ARHGEF19: variants seen among roughly 807,000 people sequenced by gnomAD.
The protein encoded by ARHGEF19 is Rho guanine nucleotide exchange factor 19.
ARHGEF19 carries 92 observed loss-of-function variants against 87.6 expected under a neutral mutation model. That is an observed-to-expected ratio of 1.05 (90% CI 0.89 to 1.25). ARHGEF19 has a LOEUF of 1.25. Among genes scored for constraint, ARHGEF19 ranks in the 50% most tolerant of loss-of-function variants. The pLI is 0.00. For synonymous variants in ARHGEF19, 438 were observed against 446.2 expected (o/e 0.98, Z 0.23); for missense variants, 1,054 against 1,051.8 (o/e 1.00, Z -0.03).
chr1:16,208,548 G>T, intron 2 of ARHGEF19, 95 bp downstream of exon 2: 3 of 1,428,650 alleles, frequency 2.1e-6, no homozygotes, highest in Non-Finnish European at 2.8e-6. Context: ...CTGACTTTTG[G>T]GGGAACCTTG....
chr1:16,202,673 G>GGGTT, intron 12 of ARHGEF19, 99 bp from the exon 13 acceptor site: 1 of 1,473,912 alleles, frequency 6.8e-7, no homozygotes, highest in Non-Finnish European at 9.2e-7. Flanking sequence ...TGGGGAGAAG[G>GGGTT]GGTTGCCTGC....
chr1:16,207,529 G>T lies in ARHGEF19; in HGVS notation c.867C>A (p.Leu289=). 4 of 1,613,908 alleles carry T rather than the reference G, an allele frequency of 2.5e-6. No homozygotes were observed. Among genetic ancestry groups the T allele is most frequent in the Non-Finnish European group, 3.4e-6 (4 of 1,179,970 alleles). ...STNERRQSRF[L]LNSVLYQEYS... is the part of the protein sequence containing the mutation. ...GACCCCCCTCCCACGTACAGTTAAG[G>T]AGGAATCGAGACTGGCGCCGCTCGT... Residue 289 remains leucine (L), a synonymous_variant, in exon 5 of 16, where the codon CTC becomes CTA. Transcript: ENST00000270747. The surrounding 1 kb of genome is among the most constrained non-coding windows in gnomAD (Gnocchi z 4.0).
At chr1:16,200,627 C>CCAGCTA (rs780191408) in intron 14 of ARHGEF19, among the ~76,000 whole-genome samples, 9 of 152,154 alleles carry the variant, frequency 5.9e-5, no homozygotes, top group Non-Finnish European at 1.2e-4. Flanking sequence ...GCCTATAATC[C>CCAGCTA]CAGCTACTTG....
chr1:16,208,622 G>T, intron 2 of ARHGEF19, 21 bp downstream of exon 2: 4 of 1,579,966 alleles, frequency 2.5e-6, no homozygotes, highest in South Asian at 1.2e-5. Flanking sequence ...ACCCACACCC[G>T]CCTTCCCCAG....
Position 16,207,637 on chromosome 1 carries a change from A to T in ARHGEF19, c.797+38T>A. On this transcript the variant is annotated intron_variant, in intron 4 of 15. Transcript: ENST00000270747. The surrounding 1 kb of genome is among the most constrained non-coding windows in gnomAD (Gnocchi z 4.0). Reference sequence around the variant, plus strand: ...AGCGTCACGGCCCTAGTTCGCCTGCACCCTGTCTCGGACCCAAGCCCAAAC... The same window carrying T: ...AGCGTCACGGCCCTAGTTCGCCTGCTCCCTGTCTCGGACCCAAGCCCAAAC... 1 of 1,613,876 alleles carries T rather than the reference A, an allele frequency of 6.2e-7. No individual in the cohort carries two copies. Among genetic ancestry groups the T allele is most frequent in the Non-Finnish European group, 8.5e-7 (1 of 1,179,942 alleles).
Position 16,206,753 on chromosome 1 carries a change from C to T in ARHGEF19, c.1137+195G>A, listed in dbSNP as rs536349411. On this transcript the variant is annotated intron_variant, in intron 6 of 15. Transcript: ENST00000270747. The surrounding 1 kb of genome is among the most constrained non-coding windows in gnomAD (Gnocchi z 4.6). ...CCCAAGCCCGGCTCCCCTCGCCTCT[C>T]GCTCAGCGGCTTGCTGTCCTCGCTT... Among the ~76,000 whole-genome samples, 1,234 of 152,214 alleles carry T rather than the reference C, an allele frequency of 8.1e-3. 11 individuals carry two copies. Among genetic ancestry groups the T allele is most frequent in the African/African-American group, 0.028 (1,171 of 41,524 alleles).
intron 2 of ARHGEF19, among the ~76,000 whole-genome samples, 169 bp downstream of exon 2, chr1:16,208,474 T>C (rs1485093089): frequency 1.3e-5 from 2 of 152,160 alleles, no homozygotes; most frequent in Non-Finnish European, 2.9e-5. Context: ...CTGCATAACC[T>C]TGGACAAGTC....
At chr1:16,212,044 A>C (rs1160287225) in intron 1 of ARHGEF19, among the ~76,000 whole-genome samples, 1 of 150,970 alleles carries the variant, frequency 6.6e-6, no homozygotes, top group Non-Finnish European at 1.5e-5. Flanking sequence ...ACCACCGCCC[A>C]ATGCCCTCTC....
In ARHGEF19 at chr1:16,198,527, C is replaced by A. The variant is rs768120826; in HGVS notation, c.*60G>T. ...GCTTGGGGAATGGAGACACTGCAGG[C>A]CCCTCCAGGACCATCCAGGAGCCAG... On this transcript the variant is annotated 3_prime_UTR_variant, in exon 16 of 16. Transcript: ENST00000270747. This position sits in a 1 kb window ranked among gnomAD's most constrained non-coding sequence, Gnocchi z 4.1. 4.7e-6 allele frequency: 7 copies of A among 1,500,718 alleles called. No individual in the cohort carries two copies. Among genetic ancestry groups the A allele is most frequent in the South Asian group, 1.4e-5 (1 of 72,434 alleles). The allele number at this position is 1,500,718 out of a possible 1,614,324, so 93.0% of individuals were successfully genotyped here.
chr1:16,198,703 AC>A lies in ARHGEF19; in HGVS notation c.2292del (p.Trp765GlyfsTer115). On this transcript the variant is annotated frameshift_variant, in exon 16 of 16. Transcript: ENST00000270747. LOFTEE classifies it high-confidence loss of function. The surrounding 1 kb of genome is among the most constrained non-coding windows in gnomAD (Gnocchi z 4.1). ...EGVRLADGEKGWVPQAYVEEI... is the reference protein window; with the variant it reads ...EGVRLADGEKXWVPQAYVEEI... ...TCTTCCACATAGGCCTGGGGCACCC[AC>A]CCCTTCTCACCATCTGCCAGGCGGA... The A allele has an allele frequency of 6.2e-7, 1 of 1,611,382 alleles. No individual in the cohort carries two copies. Among genetic ancestry groups the A allele is most frequent in the Non-Finnish European group, 8.5e-7 (1 of 1,178,468 alleles).
Position 16,204,788 on chromosome 1 carries a change from A to T in ARHGEF19, c.1878T>A (p.Asn626Lys). Residue 626 changes from asparagine to lysine, a missense_variant, in exon 12 of 16, where the codon AAT becomes AAA. Asn to Lys is a moderately conservative substitution (Grantham distance 94). Transcript: ENST00000270747. ...SSKAVYLHLF[N>K]DCLLLSRRKE... ...TCCGCCGAGAGAGCAGCAAGCAGTC[A>T]TTGAAGAGGTGGAGGTAGACTGCCT... The T allele has an allele frequency of 6.2e-7, 1 of 1,611,272 alleles. No individual in the cohort carries two copies. The highest frequency in any genetic ancestry group is 8.5e-7 in the Non-Finnish European group (1 of 1,177,896).
In ARHGEF19 at chr1:16,205,670, G is replaced by A; in HGVS notation, c.1452-3C>T. 3.7e-6 allele frequency: 6 copies of A among 1,603,806 alleles called. No homozygotes were observed. Among genetic ancestry groups the A allele is most frequent in the Non-Finnish European group, 5.1e-6 (6 of 1,176,176 alleles). On this transcript the variant is annotated splice_region_variant and splice_polypyrimidine_tract_variant and intron_variant, in intron 8 of 15. Coordinates refer to ENST00000270747, the MANE Select transcript of ARHGEF19 (RefSeq NM_153213.5). The surrounding 1 kb of genome is among the most constrained non-coding windows in gnomAD (Gnocchi z 5.8). ...CAGGGAACCTGGGGTTCTCCAGGCT[G>A]GAAAATGGGGAGGACTCTGGAATCA... is the stretch of plus-strand genomic sequence containing the variant.
Position 16,206,888 on chromosome 1 carries a change from T to A in ARHGEF19, c.1137+60A>T. ...CCTCTATGGCCCGGTTCCCGCTAAG[T>A]CCCCGGACCGCGTACTCCCCGGCCC... On this transcript the variant is annotated intron_variant, in intron 6 of 15. Coordinates refer to ENST00000270747, the MANE Select transcript of ARHGEF19 (RefSeq NM_153213.5). This position sits in a 1 kb window ranked among gnomAD's most constrained non-coding sequence, Gnocchi z 4.6. The A allele has an allele frequency of 7.2e-7, 1 of 1,398,408 alleles. No individual in the cohort carries two copies. The highest frequency in any genetic ancestry group is 9.2e-7 in the Non-Finnish European group (1 of 1,086,132). The allele number at this position is 1,398,408 out of a possible 1,614,324, so 86.6% of individuals were successfully genotyped here.
chr1:16,204,879 T>C lies in ARHGEF19; in HGVS notation c.1787A>G (p.His596Arg). 1 of 1,603,658 alleles carries C rather than the reference T, an allele frequency of 6.2e-7. No individual in the cohort carries two copies. Among genetic ancestry groups the C allele is most frequent in the Non-Finnish European group, 8.5e-7 (1 of 1,175,310 alleles). The change falls in exon 12 of 16, where the codon CAT (histidine) becomes CGT (arginine). Residue 596 changes from histidine (H) to arginine (R), a missense_variant. His to Arg is a conservative substitution (Grantham distance 29). Transcript: ENST00000270747. The stretch of plus-strand genomic sequence containing the variant: ...TGGTGCCAGCTCTACCAACTCTCCA[T>C]GCCGAACCAGCCAGCGGGCCTGAGA... Reference protein sequence around the residue: ...LISQARWLVRHGELVELAPLP... With the variant: ...LISQARWLVRRGELVELAPLP...
chr1:16,201,593 GAC>G (rs1302279386), intron 14 of ARHGEF19, among the ~76,000 whole-genome samples, 187 bp downstream of exon 14: 1 of 152,188 alleles, frequency 6.6e-6, no homozygotes, highest in African/African-American at 2.4e-5. Flanking sequence ...GCTGCCTGTG[GAC>G]ACAGAGTCCA....
Position 16,198,520 on chromosome 1 carries a change from C to T in ARHGEF19, c.*67G>A, listed in dbSNP as rs1396237816. On this transcript the variant is annotated 3_prime_UTR_variant, in exon 16 of 16. Transcript: ENST00000270747. The surrounding 1 kb of genome is among the most constrained non-coding windows in gnomAD (Gnocchi z 4.1). ...AGGAGCAGCTTGGGGAATGGAGACA[C>T]TGCAGGCCCCTCCAGGACCATCCAG... 1.3e-6 allele frequency: 2 copies of T among 1,497,730 alleles called. No homozygotes were observed. The highest frequency in any genetic ancestry group is 2.2e-5 in the Admixed American group (1 of 46,122). The allele number at this position is 1,497,730 out of a possible 1,614,324, so 92.8% of individuals were successfully genotyped here. A position where few individuals can be genotyped will look rare whatever the true frequency, so the allele number is the denominator to read the frequency against.
intron 1 of ARHGEF19, among the ~76,000 whole-genome samples, chr1:16,211,130 C>T (rs867196358): frequency 5.9e-5 from 9 of 152,176 alleles, no homozygotes; most frequent in Non-Finnish European, 8.8e-5. Context: ...TCTCCTCATC[C>T]GGCAAATAGG....
Position 16,205,246 on chromosome 1 carries a change from T to C in ARHGEF19, c.1657-70A>G, listed in dbSNP as rs2081117319. 3.1e-6 allele frequency: 5 copies of C among 1,597,422 alleles called. No individual in the cohort carries two copies. Among genetic ancestry groups the C allele is most frequent in the Non-Finnish European group, 4.3e-6 (5 of 1,169,856 alleles). ...CTCCCAGAGCCCAGCCTCAGACTCT[T>C]GCCTGGGGACCGGAGACTCTGACAG... On this transcript the variant is annotated intron_variant, in intron 10 of 15. Transcript: ENST00000270747. This position sits in a 1 kb window ranked among gnomAD's most constrained non-coding sequence, Gnocchi z 5.8.
chr1:16,205,434 T>C lies in ARHGEF19; in HGVS notation c.1582-9A>G. ...GTCCGCTTCAGGATGTTCTGGAAGG[T>C]GGGATCAGCACAATGAGGCAGTCCT... On this transcript the variant is annotated splice_polypyrimidine_tract_variant and intron_variant, in intron 9 of 15. Transcript: ENST00000270747. This position sits in a 1 kb window ranked among gnomAD's most constrained non-coding sequence, Gnocchi z 5.8. 2 of 1,610,730 alleles carry C rather than the reference T, an allele frequency of 1.2e-6. No homozygotes were observed. Among genetic ancestry groups the C allele is most frequent in the Non-Finnish European group, 1.7e-6 (2 of 1,178,344 alleles).
Sources: gnomAD v4.1 joint callset for allele counts (sites outside exome capture counted in the v4.1 genomes callset) on GRCh38, gnomAD v4.1.1 for gene constraint, Gnocchi (gnomAD v3.1) non-coding constraint, MANE v1.5 for transcripts, NCBI Gene and HGNC (gene_info 2026-07-23, HGNC 2026-07-21) for gene names.